CNBD1: variants seen among roughly 807,000 people sequenced by gnomAD.
CNBD1 encodes cyclic nucleotide-binding domain-containing protein 1.
CNBD1 carries 71 observed loss-of-function variants against 54.4 expected under a neutral mutation model. The ratio of observed to expected loss-of-function variants is 1.30; its 90% confidence interval spans 1.08 to 1.59. The LOEUF (loss-of-function observed/expected upper bound fraction) is 1.59, where lower values mean the gene tolerates loss of function less well. Among genes scored for constraint, CNBD1 ranks in the 40% most tolerant of loss-of-function variants. CNBD1 has a pLI of 0.00. For synonymous variants in CNBD1, 182 were observed against 170.7 expected, an observed-to-expected ratio of 1.07 and a Z score of -0.51; for missense variants, 659 against 518.0, an observed-to-expected ratio of 1.27 and a Z score of -2.64.
intron 4 of CNBD1, among the ~76,000 whole-genome samples, chr8:87,095,679 A>C (rs1811302331): frequency 6.6e-6 from 1 of 152,016 alleles, no homozygotes; most frequent in Non-Finnish European, 1.5e-5. Context: ...TTTTTTTGAG[A>C]CGGAGTCTCG....
chr8:87,316,234 C>G (rs1376879630), intron 8 of CNBD1, among the ~76,000 whole-genome samples: 1 of 151,784 alleles, frequency 6.6e-6, no homozygotes, highest in East Asian at 1.9e-4. Flanking sequence ...TGACTCTTAC[C>G]AACGAATAGT....
intron 4 of CNBD1, among the ~76,000 whole-genome samples, chr8:87,129,093 AAT>A (rs1491329815): frequency 3.2e-4 from 43 of 135,744 alleles, no homozygotes; most frequent in African/African-American, 1.4e-3. Flanking sequence ...AAAAAAAAAG[AAT>A]TTTGCTATCT....
rs1393909194 is a variant in CNBD1, at chr8:87,219,937, T to A, written c.577+13799T>A. On this transcript the variant is annotated intron_variant, in intron 5 of 10. Transcript: ENST00000518476. ...TCATATATTTTACAAGTCTAAAAAATTCATATTATTATACTAAAAAATAAT... is the reference window on the plus strand; with the variant it reads ...TCATATATTTTACAAGTCTAAAAAAATCATATTATTATACTAAAAAATAAT... Among the ~76,000 whole-genome samples, 4 of 152,038 alleles carry A rather than the reference T, an allele frequency of 2.6e-5. No homozygotes were observed. In the East Asian group the frequency reaches 7.7e-4, roughly 29 times the overall value.
At chr8:87,336,867 G>T (rs755715569) in intron 8 of CNBD1, among the ~76,000 whole-genome samples, 3 of 152,110 alleles carry the variant, frequency 2.0e-5, no homozygotes, top group Non-Finnish European at 4.4e-5. Flanking sequence ...CTGACCCTTG[G>T]ATGAGGTTTT....
At chr8:87,381,649 G>T (rs935998747) in intron 10 of CNBD1, among the ~76,000 whole-genome samples, 6 of 151,924 alleles carry the variant, frequency 3.9e-5, no homozygotes, top group African/African-American at 1.4e-4. Context: ...TTAAAAATAT[G>T]TACATAAAAT....
intron 2 of CNBD1, among the ~76,000 whole-genome samples, chr8:86,899,597 TTA>T (rs1808901965): frequency 6.6e-6 from 1 of 152,150 alleles, no homozygotes; most frequent in South Asian, 2.1e-4. Context: ...CATAAAGATT[TTA>T]TATATAACTT....
chr8:87,332,624 T>C (rs1419418660), intron 8 of CNBD1, among the ~76,000 whole-genome samples: 1 of 152,172 alleles, frequency 6.6e-6, no homozygotes, highest in Admixed American at 6.5e-5. Flanking sequence ...CAGCACTGTT[T>C]ATTGTAGGGA....
At chr8:86,996,415 A>G (rs913103091) in intron 4 of CNBD1, among the ~76,000 whole-genome samples, 2 of 152,182 alleles carry the variant, frequency 1.3e-5, no homozygotes, top group African/African-American at 4.8e-5. Flanking sequence ...TGAAAATTCT[A>G]TCTGAGCACA....
intron 6 of CNBD1, among the ~76,000 whole-genome samples, chr8:87,279,190 A>T (rs2130865095): frequency 6.6e-6 from 1 of 151,592 alleles, no homozygotes; most frequent in East Asian, 1.9e-4. Flanking sequence ...TTCCATGCAT[A>T]ATGAGGGACA....
chr8:87,052,824 A>G (rs747878624), intron 4 of CNBD1, among the ~76,000 whole-genome samples: 25 of 152,202 alleles, frequency 1.6e-4, no homozygotes, highest in Admixed American at 5.9e-4. Context: ...AAGCCTCTAT[A>G]TATCAGGGTC....
At chr8:87,337,201 T>C (rs1414335309) in intron 8 of CNBD1, among the ~76,000 whole-genome samples, 1 of 152,122 alleles carries the variant, frequency 6.6e-6, no homozygotes, top group East Asian at 1.9e-4. Context: ...GAAGGACCCA[T>C]TTAACAAGGC....
At chr8:86,936,499 G>C (rs1301474312) in intron 3 of CNBD1, among the ~76,000 whole-genome samples, 1 of 152,148 alleles carries the variant, frequency 6.6e-6, no homozygotes, top group Non-Finnish European at 1.5e-5. Flanking sequence ...CCAGCACTTT[G>C]AGAGGCAGAG....
intron 3 of CNBD1, among the ~76,000 whole-genome samples, chr8:86,922,610 G>T (rs1809292738): frequency 6.6e-6 from 1 of 152,088 alleles, no homozygotes; most frequent in Admixed American, 6.6e-5. Context: ...CATAAGATTT[G>T]CTTGCAGTAA....
At chr8:86,925,195 A>T (rs1314864338) in intron 3 of CNBD1, among the ~76,000 whole-genome samples, 1 of 152,174 alleles carries the variant, frequency 6.6e-6, no homozygotes, top group Non-Finnish European at 1.5e-5. Flanking sequence ...CTTGGTTAGC[A>T]AAAGACAAAG....
intron 5 of CNBD1, among the ~76,000 whole-genome samples, chr8:87,233,011 A>C (rs1807478713): frequency 6.6e-6 from 1 of 152,186 alleles, no homozygotes; most frequent in Non-Finnish European, 1.5e-5. Flanking sequence ...AATTGGCCAA[A>C]ACTTTTAAGA....
At chr8:86,996,961 C>G (rs12674493) in intron 4 of CNBD1, among the ~76,000 whole-genome samples, 19,920 of 152,126 alleles carry the variant, frequency 0.13, 1,588 homozygotes, top group East Asian at 0.28. Flanking sequence ...GACATTTCTT[C>G]TGTAAGGACA....
chr8:87,090,635 G>A (rs749049660), intron 4 of CNBD1, among the ~76,000 whole-genome samples: 4 of 152,082 alleles, frequency 2.6e-5, no homozygotes, highest in African/African-American at 7.2e-5. Flanking sequence ...GAATGAACTC[G>A]TGTAATAAAT....
chr8:87,193,662 G>T (rs1032891911), intron 4 of CNBD1, among the ~76,000 whole-genome samples: 13 of 152,236 alleles, frequency 8.5e-5, no homozygotes, highest in African/African-American at 3.1e-4. Context: ...TTGTAATCAA[G>T]ATATTCCTGT....
chr8:87,193,716 G>A (rs981711479), intron 4 of CNBD1, among the ~76,000 whole-genome samples: 6 of 151,956 alleles, frequency 3.9e-5, no homozygotes, highest in African/African-American at 1.2e-4. Context: ...TAAGAACAGG[G>A]AACTGTCTTA....
Sources: allele counts gnomAD v4.1 joint callset (sites outside exome capture counted in the v4.1 genomes callset), GRCh38; gene constraint gnomAD v4.1.1; transcripts MANE v1.5; gene names NCBI Gene and HGNC (gene_info 2026-07-23, HGNC 2026-07-21).